ARL10: variants seen among roughly 807,000 people sequenced by gnomAD.
The protein encoded by ARL10 is ARF like GTPase 10.
In ARL10, 23 loss-of-function variants were observed where a neutral mutation model predicts 26.1. The ratio of observed to expected loss-of-function variants is 0.88; its 90% CI spans 0.63 to 1.25. The LOEUF is 1.25. Among genes scored for constraint, ARL10 ranks in the 50% most tolerant of loss-of-function variants. The probability of loss-of-function intolerance (pLI) is 0.00; values close to 1 mark genes in which losing one functional copy is unlikely to be tolerated. For missense variants in ARL10, 300 were observed against 323.6 expected (o/e 0.93, Z 0.56); for synonymous variants, 138 against 149.1 (o/e 0.93, Z 0.54).
At chr5:176,411,663 G>A in the ARL10 span, among the ~76,000 whole-genome samples, 1 of 152,118 alleles carries the variant, frequency 6.6e-6, no homozygotes, top group Non-Finnish European at 1.5e-5. Context: ...TCCATGATGA[G>A]GCCCACCTAC....
chr5:176,387,621 G>T (rs1203741881), intron 1 of ARL10, among the ~76,000 whole-genome samples: 2 of 152,216 alleles, frequency 1.3e-5, no homozygotes, highest in Admixed American at 1.3e-4. Context: ...AGAGAAAGAT[G>T]AATTGCTTGC....
chr5:176,370,817 G>A (rs1283823864), intron 3 of ARL10, among the ~76,000 whole-genome samples: 1 of 152,202 alleles, frequency 6.6e-6, no homozygotes, highest in African/African-American at 2.4e-5. Context: ...ATGCTGTGTA[G>A]TGGTCCCTTG....
downstream of ARL10, among the ~76,000 whole-genome samples, chr5:176,402,174 C>T (rs189340585): frequency 3.2e-3 from 494 of 152,188 alleles, 9 homozygotes; most frequent in South Asian, 0.036. Context: ...TGGTGGCGGA[C>T]GCCTGTAATC....
At chr5:176,404,158 G>C (rs1422715607), downstream of ARL10, among the ~76,000 whole-genome samples, 1 of 152,198 alleles carries the variant, frequency 6.6e-6, no homozygotes, top group Non-Finnish European at 1.5e-5. Context: ...TGAATTGCTG[G>C]GTGTGACTCG....
In ARL10 at chr5:176,378,234, A is replaced by G. The variant is rs916080646; in HGVS notation, c.*6339A>G. The G allele has an allele frequency of 1.3e-5, 2 of 152,272 alleles. No homozygotes were observed. The highest frequency in any genetic ancestry group is 4.8e-5 in the African/African-American group (2 of 41,468). The allele number at this position is 152,272 out of a possible 1,614,324, so 9.4% of individuals were successfully genotyped here. A position where few individuals can be genotyped will look rare whatever the true frequency, so the allele number is the denominator to read the frequency against. On this transcript the variant is annotated 3_prime_UTR_variant, in exon 4 of 4. Transcript: ENST00000310389. ...AGATGGGTCATCATAAAGGTCATCA[A>G]TCTAGTGGCATTCATTCAATTTGCA...
In ARL10 at chr5:176,371,956, A is replaced by G. The variant is rs749364742; in HGVS notation, c.*61A>G. 25 of 1,566,548 alleles carry G rather than the reference A, an allele frequency of 1.6e-5. No homozygotes were observed. Among genetic ancestry groups the G allele is most frequent in the Non-Finnish European group, 2.1e-5 (24 of 1,154,558 alleles). ...ACCATAGTTGTACTGCTGCTGCTTC[A>G]TTGCCAGACTGGGCCTGGGGCAAGA... On this transcript the variant is annotated 3_prime_UTR_variant, in exon 4 of 4. Transcript: ENST00000310389.
At chr5:176,386,894 C>A (rs1271196300), downstream of ARL10, 3 of 1,614,106 alleles carry the variant, frequency 1.9e-6, no homozygotes, top group Non-Finnish European at 1.7e-6. Context: ...TCTATGTCCA[C>A]CTCCATGGCC....
In ARL10 at chr5:176,375,163, TCCACCCAC is replaced by T. The variant is rs1234967975; in HGVS notation, c.*3280_*3287del. ...ACCCATCCACCCACCCACCCATCCA[TCCACCCAC>T]CCACCCACCCATCCACCCATCCATC... On this transcript the variant is annotated 3_prime_UTR_variant, in exon 4 of 4. Coordinates refer to ENST00000310389, the MANE Select transcript of ARL10 (RefSeq NM_173664.6). 2.0e-4 allele frequency: 9 copies of T among 45,982 alleles called. No individual in the cohort carries two copies. The highest frequency in any genetic ancestry group is 3.1e-4 in the Non-Finnish European group (7 of 22,726). 2.8% of individuals were successfully genotyped at this position (45,982 alleles called of 1,614,324 possible). A position where few individuals can be genotyped will look rare whatever the true frequency, so the allele number is the denominator to read the frequency against.
the ARL10 span, chr5:176,410,145 CA>C: frequency 1.1e-6 from 1 of 932,384 alleles, no homozygotes. Context: ...CCCAATGCAT[CA>C]GACATAATGA....
chr5:176,396,549 A>AG, intron 1 of ARL10: 1 of 1,609,412 alleles, frequency 6.2e-7, no homozygotes, highest in Non-Finnish European at 8.5e-7. Flanking sequence ...GGAAAGGTTG[A>AG]GGGAAGGGGT....
downstream of ARL10, among the ~76,000 whole-genome samples, chr5:176,383,314 T>C (rs1021113286): frequency 2.0e-5 from 3 of 152,180 alleles, no homozygotes; most frequent in Admixed American, 2.0e-4. Context: ...TTTGTATGAC[T>C]AATAGTTGGG....
the ARL10 span, chr5:176,410,379 C>T: frequency 7.9e-7 from 1 of 1,272,636 alleles, no homozygotes; most frequent in Non-Finnish European, 1.1e-6. Context: ...ACATTAGCCC[C>T]TCAACCCAAA....
At chr5:176,403,734 G>A (rs1206689650), downstream of ARL10, among the ~76,000 whole-genome samples, 2 of 151,264 alleles carry the variant, frequency 1.3e-5, no homozygotes, top group African/African-American at 4.9e-5. Context: ...TTACAGGCGT[G>A]AGCCACGGTG....
At chr5:176,411,292 A>T in the ARL10 span, among the ~76,000 whole-genome samples, 12 of 152,172 alleles carry the variant, frequency 7.9e-5, no homozygotes, top group Non-Finnish European at 5.9e-5. Flanking sequence ...GACAGTCTGT[A>T]AAACATGCAC....
intron 1 of ARL10, chr5:176,386,920 C>CAG: frequency 6.2e-7 from 1 of 1,613,538 alleles, no homozygotes; most frequent in Non-Finnish European, 8.5e-7. Context: ...CTGCAGAGAA[C>CAG]AGAGCCCTTG....
intron 3 of ARL10, among the ~76,000 whole-genome samples, chr5:176,370,059 G>A (rs975976728): frequency 1.3e-5 from 2 of 152,090 alleles, no homozygotes; most frequent in African/African-American, 4.8e-5. Flanking sequence ...AGATCAGAGA[G>A]CTGAAGCTGG....
chr5:176,390,139 G>A (rs1170730743), downstream of ARL10, among the ~76,000 whole-genome samples: 1 of 133,166 alleles, frequency 7.5e-6, no homozygotes, highest in Non-Finnish European at 1.5e-5. Flanking sequence ...CTGAGATCGC[G>A]CCATTGCACT....
At chr5:176,391,826 G>A (rs1451221954), downstream of ARL10, among the ~76,000 whole-genome samples, 1 of 152,166 alleles carries the variant, frequency 6.6e-6, no homozygotes, top group Non-Finnish European at 1.5e-5. Context: ...TCAGATTTCT[G>A]GCCTCAAGAA....
chr5:176,398,125 C>G, intron 1 of ARL10: 1 of 1,329,608 alleles, frequency 7.5e-7, no homozygotes. Context: ...TGGGGACCCA[C>G]TCATGTCTGG....
Sources: allele counts gnomAD v4.1 joint callset (sites outside exome capture counted in the v4.1 genomes callset), GRCh38; gene constraint gnomAD v4.1.1; transcripts MANE v1.5; gene names NCBI Gene and HGNC (gene_info 2026-07-23, HGNC 2026-07-21).